DIP2C: variants seen among roughly 807,000 people sequenced by gnomAD.
DIP2C encodes the protein DIP2 acetate--CoA ligase C (putative), also known as disco-interacting protein 2 homolog C.
A neutral mutation model predicts 192.4 loss-of-function variants in DIP2C; 33 were observed. The ratio of observed to expected loss-of-function variants is 0.17; its 90% confidence interval spans 0.13 to 0.23. The LOEUF is 0.23. Ranked by LOEUF, DIP2C falls within the 10% of genes least tolerant of loss-of-function variation. The probability of loss-of-function intolerance (pLI) is 1.00; values close to 1 mark genes in which losing one functional copy is unlikely to be tolerated. For missense variants in DIP2C, 1,537 were observed against 2,110.1 expected (o/e 0.73, Z 5.32); for synonymous variants, 979 against 864.1 (o/e 1.13, Z -2.33).
chr10:520,454 AT>A (rs1352660989), intron 1 of DIP2C, among the ~76,000 whole-genome samples: 2 of 152,244 alleles, frequency 1.3e-5, no homozygotes, highest in Admixed American at 6.5e-5. Context: ...AAAATTCTAT[AT>A]CCACTGGCTT....
At chr10:579,252 C>A (rs1019392931) in intron 1 of DIP2C, among the ~76,000 whole-genome samples, 1 of 151,142 alleles carries the variant, frequency 6.6e-6, no homozygotes, top group Non-Finnish European at 1.5e-5. Context: ...GGTACACTAA[C>A]ATGTGTACAT....
intron 32 of DIP2C, among the ~76,000 whole-genome samples, chr10:302,516 G>A (rs1956100494): frequency 6.6e-6 from 1 of 152,144 alleles, no homozygotes; most frequent in Admixed American, 6.5e-5. Flanking sequence ...GAAACACTGA[G>A]AAGCTGGAGG....
chr10:423,280 A>G (rs1289540343), intron 4 of DIP2C, among the ~76,000 whole-genome samples: 1 of 152,252 alleles, frequency 6.6e-6, no homozygotes, highest in East Asian at 1.9e-4. Flanking sequence ...ATCTCAGACA[A>G]ATACACACTG....
intron 1 of DIP2C, among the ~76,000 whole-genome samples, chr10:646,620 C>T (rs994332272): frequency 3.3e-5 from 5 of 152,328 alleles, no homozygotes; most frequent in Non-Finnish European, 5.9e-5. Flanking sequence ...TTGGCTATAA[C>T]GTACATTAAT....
intron 1 of DIP2C, among the ~76,000 whole-genome samples, chr10:569,383 A>G (rs1849643551): frequency 6.6e-6 from 1 of 152,220 alleles, no homozygotes; most frequent in African/African-American, 2.4e-5. Context: ...GTAAAAGCCA[A>G]AACAAGGGAG....
chr10:455,993 C>T (rs1286067282), intron 3 of DIP2C, among the ~76,000 whole-genome samples: 3 of 48,490 alleles, frequency 6.2e-5, no homozygotes, highest in Non-Finnish European at 1.0e-4. Context: ...TGCAGTGAGT[C>T]CCTGCCTGAG....
At chr10:531,074 T>C (rs1260681891) in intron 1 of DIP2C, among the ~76,000 whole-genome samples, 1 of 152,196 alleles carries the variant, frequency 6.6e-6, no homozygotes, top group African/African-American at 2.4e-5. Flanking sequence ...TGACAGAGGC[T>C]GCACATAAAC....
chr10:537,951 G>A (rs748527449), intron 1 of DIP2C, among the ~76,000 whole-genome samples: 8 of 151,970 alleles, frequency 5.3e-5, no homozygotes, highest in African/African-American at 1.2e-4. Flanking sequence ...CACCATGCCT[G>A]GCTATTTTTT....
intron 1 of DIP2C, among the ~76,000 whole-genome samples, chr10:530,653 T>TAAAAAAAA (rs59344971): frequency 2.8e-5 from 3 of 106,086 alleles, no homozygotes; most frequent in African/African-American, 1.1e-4. Flanking sequence ...CCCTATCTCT[T>TAAAAAAAA]AAAAAAAAAA....
At chr10:614,339 G>A (rs1387300371) in intron 1 of DIP2C, among the ~76,000 whole-genome samples, 2 of 152,220 alleles carry the variant, frequency 1.3e-5, no homozygotes, top group African/African-American at 2.4e-5. Flanking sequence ...GGAGGCCAGA[G>A]TCACCCCAGC....
chr10:669,273 C>G (rs1857300568), intron 1 of DIP2C: 1 of 152,262 alleles, frequency 6.6e-6, no homozygotes, highest in Non-Finnish European at 1.5e-5. Context: ...AACACACCAT[C>G]TGCAGAGGGC....
intron 1 of DIP2C, among the ~76,000 whole-genome samples, chr10:657,074 T>A (rs1856387887): frequency 6.6e-6 from 1 of 151,990 alleles, no homozygotes; most frequent in Non-Finnish European, 1.5e-5. Context: ...GACATGCTGC[T>A]GGACTTGCCA....
At chr10:643,472 C>A (rs1300550575) in intron 1 of DIP2C, among the ~76,000 whole-genome samples, 1 of 152,124 alleles carries the variant, frequency 6.6e-6, no homozygotes, top group East Asian at 1.9e-4. Flanking sequence ...TGAGATCGCA[C>A]CACTGCACTC....
intron 10 of DIP2C, among the ~76,000 whole-genome samples, chr10:391,948 A>T (rs1466906475): frequency 6.6e-6 from 1 of 152,184 alleles, no homozygotes; most frequent in Non-Finnish European, 1.5e-5. Flanking sequence ...TGTAGATTTA[A>T]ATCTACAGTG....
At chr10:320,204 G>A (rs1454725383) in intron 31 of DIP2C, among the ~76,000 whole-genome samples, 2 of 152,202 alleles carry the variant, frequency 1.3e-5, no homozygotes, top group African/African-American at 4.8e-5. Flanking sequence ...GTAAGGATAT[G>A]TTTAATTTCT....
At chr10:386,987 C>A (rs368907175) in intron 14 of DIP2C, among the ~76,000 whole-genome samples, 3 of 152,124 alleles carry the variant, frequency 2.0e-5, no homozygotes, top group Non-Finnish European at 4.4e-5. Context: ...GTGAGACAGT[C>A]GTTTCCCTAC....
At chr10:491,805 G>A (rs1844466325) in intron 1 of DIP2C, among the ~76,000 whole-genome samples, 1 of 152,246 alleles carries the variant, frequency 6.6e-6, no homozygotes, top group African/African-American at 2.4e-5. Context: ...ATTCATGAGA[G>A]ACGTCCAAGT....
At chr10:316,805 G>A (rs1460583726) in intron 31 of DIP2C, among the ~76,000 whole-genome samples, 1 of 152,142 alleles carries the variant, frequency 6.6e-6, no homozygotes, top group East Asian at 1.9e-4. Flanking sequence ...ATAACATACT[G>A]CCATTTATGT....
rs1037698295 is a variant in DIP2C, at chr10:543,373, G to C, written c.86-56843C>G. Among the ~76,000 whole-genome samples the C allele has an allele frequency of 3.3e-5, 5 of 152,234 alleles. No individual in the cohort carries two copies. In the East Asian group the frequency reaches 9.6e-4, roughly 29 times the overall value. On this transcript the variant is annotated intron_variant, in intron 1 of 36. Transcript: ENST00000280886. Reference sequence around the variant, plus strand: ...GGGTAACCCTGTTAGGAGCTGTGCAGGGAGATCTAACTCATCAGATGTGCC... The same window carrying C: ...GGGTAACCCTGTTAGGAGCTGTGCACGGAGATCTAACTCATCAGATGTGCC...
Sources: allele counts gnomAD v4.1 joint callset (sites outside exome capture counted in the v4.1 genomes callset), GRCh38; gene constraint gnomAD v4.1.1; transcripts MANE v1.5; gene names NCBI Gene and HGNC (gene_info 2026-07-23, HGNC 2026-07-21).